The following RBMS3 variants were observed in gnomAD, a reference collection of about 807,000 sequenced individuals.
The protein encoded by RBMS3 is RNA binding motif single stranded interacting protein 3.
RBMS3 carries 27 observed loss-of-function variants against 66.8 expected under a neutral mutation model. The observed-to-expected ratio is 0.40, with a 90% CI of 0.30 to 0.56. The LOEUF (loss-of-function observed/expected upper bound fraction) is 0.56. RBMS3 is among the 20% of genes least tolerant of loss of function. The pLI is 0.40. For synonymous variants in RBMS3, 188 were observed against 183.0 expected, an observed-to-expected ratio of 1.03 and a Z score of -0.22; for missense variants, 513 against 549.5, an observed-to-expected ratio of 0.93 and a Z score of 0.66.
intron 12 of RBMS3, among the ~76,000 whole-genome samples, chr3:29,963,120 T>G (rs1158437302): frequency 6.6e-6 from 1 of 152,094 alleles, no homozygotes; most frequent in African/African-American, 2.4e-5. Context: ...TGCAAAGTAC[T>G]CAACACAAAA....
chr3:29,926,492 C>T (rs1003148042), intron 10 of RBMS3, among the ~76,000 whole-genome samples: 15 of 152,150 alleles, frequency 9.9e-5, no homozygotes, highest in African/African-American at 3.6e-4. Context: ...AGTAAGATAA[C>T]AGGCAGCTAT....
intron 6 of RBMS3, among the ~76,000 whole-genome samples, chr3:29,851,057 C>G (rs1262111549): frequency 6.6e-6 from 1 of 152,202 alleles, no homozygotes; most frequent in African/African-American, 2.4e-5. Context: ...TCACTGAGAT[C>G]TTTCCAGATT....
chr3:29,320,528 A>G (rs559532670), intron 1 of RBMS3, among the ~76,000 whole-genome samples: 7 of 152,160 alleles, frequency 4.6e-5, no homozygotes, highest in African/African-American at 1.7e-4. Flanking sequence ...TACAAACATG[A>G]CATATGTAAC....
intron 1 of RBMS3, among the ~76,000 whole-genome samples, chr3:29,298,527 A>G (rs60320447): frequency 0.016 from 2,419 of 151,840 alleles, 64 homozygotes; most frequent in African/African-American, 0.055. Context: ...ATAATGTTTC[A>G]CTTTCAATTA....
intron 1 of RBMS3, among the ~76,000 whole-genome samples, chr3:29,342,609 A>G (rs1206796776): frequency 6.6e-6 from 1 of 152,200 alleles, no homozygotes; most frequent in Non-Finnish European, 1.5e-5. Flanking sequence ...TAACGTAGCT[A>G]TATGCCGAGG....
chr3:29,598,209 G>A (rs1044845799), intron 4 of RBMS3, among the ~76,000 whole-genome samples: 2 of 152,024 alleles, frequency 1.3e-5, no homozygotes, highest in Non-Finnish European at 2.9e-5. Context: ...TAAGTTTATT[G>A]GATACCAGAA....
intron 6 of RBMS3, among the ~76,000 whole-genome samples, chr3:29,853,423 C>CTTTTCTTTTTT: frequency 1.2e-5 from 1 of 84,520 alleles, no homozygotes; most frequent in East Asian, 3.7e-4. Context: ...AATTTACTTT[C>CTTTTCTTTTTT]TTTTTTTTTT....
At chr3:29,411,560 T>G (rs1475831841) in intron 1 of RBMS3, among the ~76,000 whole-genome samples, 1 of 152,210 alleles carries the variant, frequency 6.6e-6, no homozygotes, top group African/African-American at 2.4e-5. Context: ...AGTTATTATT[T>G]GCTAATAATG....
At chr3:29,605,283 T>C (rs1411805539) in intron 4 of RBMS3, among the ~76,000 whole-genome samples, 1 of 151,838 alleles carries the variant, frequency 6.6e-6, no homozygotes, top group Non-Finnish European at 1.5e-5. Flanking sequence ...ATTGACTGGC[T>C]AGTAAAAAGG....
rs1394518196 is a variant in RBMS3, at chr3:29,488,428, C to G, written c.249-13C>G. The G allele has an allele frequency of 6.3e-7, 1 of 1,593,374 alleles. No individual in the cohort carries two copies. The highest frequency in any genetic ancestry group is 1.3e-5 in the African/African-American group (1 of 74,368). The stretch of plus-strand genomic sequence containing the variant: ...TACAATAACATGGGTTTTTTTCTCT[C>G]TCTCTCTTTCAGGTATGGAAAAATT... On this transcript the variant is annotated splice_polypyrimidine_tract_variant and intron_variant, in intron 2 of 14. Transcript: ENST00000383767.
chr3:29,440,048 G>A (rs2041557518), intron 2 of RBMS3, among the ~76,000 whole-genome samples: 1 of 152,142 alleles, frequency 6.6e-6, no homozygotes, highest in Non-Finnish European at 1.5e-5. Context: ...TATTTGTAGT[G>A]TAATGATTTT....
At chr3:29,725,960 T>A (rs565760119) in intron 4 of RBMS3, among the ~76,000 whole-genome samples, 91 of 152,196 alleles carry the variant, frequency 6.0e-4, no homozygotes, top group African/African-American at 2.1e-3. Context: ...AAATCCTCAA[T>A]AAAATACTTG....
intron 7 of RBMS3, among the ~76,000 whole-genome samples, chr3:29,881,139 A>G (rs1286068582): frequency 2.0e-5 from 3 of 151,844 alleles, no homozygotes; most frequent in Non-Finnish European, 2.9e-5. Flanking sequence ...ATTTTTATTT[A>G]CACACCTTTT....
chr3:29,875,895 GC>G (rs1327161130), intron 7 of RBMS3, among the ~76,000 whole-genome samples: 2 of 151,986 alleles, frequency 1.3e-5, no homozygotes, highest in East Asian at 3.9e-4. Context: ...GAAAAATTCT[GC>G]CTGATAGCAC....
chr3:29,340,215 A>G (rs1429201190), intron 1 of RBMS3, among the ~76,000 whole-genome samples: 1 of 152,166 alleles, frequency 6.6e-6, no homozygotes, highest in Non-Finnish European at 1.5e-5. Flanking sequence ...TAAAACAACA[A>G]CAACAAAAAT....
intron 3 of RBMS3, among the ~76,000 whole-genome samples, chr3:29,549,057 C>CTCT (rs1576194682): frequency 8.2e-6 from 1 of 121,984 alleles, no homozygotes. Flanking sequence ...CCTCCTACTT[C>CTCT]TGTTTTTTTT....
intron 1 of RBMS3, among the ~76,000 whole-genome samples, chr3:29,325,645 T>TACACACAC (rs139930927): frequency 2.1e-3 from 314 of 146,794 alleles, no homozygotes; most frequent in African/African-American, 6.9e-3. Flanking sequence ...TATATACACA[T>TACACACAC]ACACACACAC....
chr3:29,848,894 C>G (rs1461175495), intron 6 of RBMS3, among the ~76,000 whole-genome samples: 1 of 152,116 alleles, frequency 6.6e-6, no homozygotes, highest in African/African-American at 2.4e-5. Context: ...AACAATGCTA[C>G]CATTTTTGGA....
At chr3:29,482,179 G>C (rs936860304) in intron 2 of RBMS3, among the ~76,000 whole-genome samples, 2 of 152,176 alleles carry the variant, frequency 1.3e-5, no homozygotes, top group African/African-American at 2.4e-5. Flanking sequence ...TGAGGTTTCT[G>C]ACTCTATTGG....
Sources: gnomAD v4.1 joint callset for allele counts (sites outside exome capture counted in the v4.1 genomes callset) on GRCh38, gnomAD v4.1.1 for gene constraint, MANE v1.5 for transcripts, NCBI Gene and HGNC (gene_info 2026-07-23, HGNC 2026-07-21) for gene names.